The following LINGO2 variants were observed in gnomAD, a reference collection of about 807,000 sequenced individuals.
LINGO2 encodes the protein leucine rich repeat and Ig domain containing 2, also known as leucine-rich repeat and immunoglobulin-like domain-containing nogo receptor-interacting protein 2.
Under a neutral mutation model 30.6 loss-of-function variants are expected in LINGO2, and 14 were observed. That is an observed-to-expected ratio of 0.46 (90% CI 0.30 to 0.72). The LOEUF is 0.72. Among genes scored for constraint, LINGO2 ranks in the 30% least tolerant of loss-of-function variants. The pLI is 0.07. For synonymous variants in LINGO2, 317 were observed against 288.5 expected, an observed-to-expected ratio of 1.10 and a Z score of -1.00; for missense variants, 729 against 751.7, an observed-to-expected ratio of 0.97 and a Z score of 0.35.
chr9:28,771,328 A>G, the LINGO2 span, among the ~76,000 whole-genome samples: 1 of 152,086 alleles, frequency 6.6e-6, no homozygotes, highest in Non-Finnish European at 1.5e-5. Flanking sequence ...AGATCTTGCA[A>G]CATTGCTCTG....
At chr9:28,372,763 A>G (rs1029924407) in intron 3 of LINGO2, 73 bp downstream of exon 5, 2 of 152,588 alleles carry the variant, frequency 1.3e-5, no homozygotes, top group Non-Finnish European at 2.9e-5. Flanking sequence ...AAACTATAAC[A>G]TTAGTTTTTA....
the LINGO2 span, among the ~76,000 whole-genome samples, chr9:29,151,922 T>C: frequency 1.3e-5 from 2 of 152,066 alleles, no homozygotes; most frequent in Non-Finnish European, 2.9e-5. Flanking sequence ...GTCCCAAGAT[T>C]AAACGAGGAA....
At chr9:28,434,831 G>T (rs1283148402) in intron 2 of LINGO2, among the ~76,000 whole-genome samples, 1 of 151,842 alleles carries the variant, frequency 6.6e-6, no homozygotes, top group South Asian at 2.1e-4. Context: ...GTTTTTAAAA[G>T]GTTTATTGAC....
chr9:28,049,646 T>A (rs775477364), intron 4 of LINGO2, among the ~76,000 whole-genome samples: 4 of 150,766 alleles, frequency 2.7e-5, no homozygotes, highest in Non-Finnish European at 5.9e-5. Flanking sequence ...ATTCCATTTA[T>A]GTCACAAATT....
chr9:28,386,851 T>C (rs546361944), intron 2 of LINGO2, among the ~76,000 whole-genome samples: 5 of 152,328 alleles, frequency 3.3e-5, no homozygotes, highest in East Asian at 3.8e-4. Context: ...ATATTTTATA[T>C]GGGAATAAGA....
At chr9:28,632,493 A>G (rs1173907479) in intron 1 of LINGO2, among the ~76,000 whole-genome samples, 1 of 150,734 alleles carries the variant, frequency 6.6e-6, no homozygotes, top group Non-Finnish European at 1.5e-5. Flanking sequence ...GGGTTCTCTT[A>G]GAGAGACAGA....
the LINGO2 span, among the ~76,000 whole-genome samples, chr9:29,073,357 G>GA: frequency 1.3e-5 from 2 of 151,912 alleles, no homozygotes; most frequent in East Asian, 1.9e-4. Context: ...AGTAATGGGG[G>GA]AAAAAAACAG....
chr9:28,713,732 G>A, the LINGO2 span, among the ~76,000 whole-genome samples: 1 of 152,104 alleles, frequency 6.6e-6, no homozygotes, highest in African/African-American at 2.4e-5. Flanking sequence ...ACAGTAAGAA[G>A]CAGTGGCTAC....
chr9:28,506,435 CACACACACACACACACACACATACACAT>C (rs1391347088), intron 1 of LINGO2, among the ~76,000 whole-genome samples: 59 of 101,352 alleles, frequency 5.8e-4, no homozygotes, highest in African/African-American at 1.8e-3. Flanking sequence ...CACACACACA[CACACACACACACACACACACATACACAT>C]ACACACACAC....
At chr9:28,695,969 A>T in the LINGO2 span, among the ~76,000 whole-genome samples, 1 of 151,934 alleles carries the variant, frequency 6.6e-6, no homozygotes, top group Non-Finnish European at 1.5e-5. Flanking sequence ...TATGCTATGC[A>T]TATTGTGATT....
intron 4 of LINGO2, among the ~76,000 whole-genome samples, chr9:28,269,471 G>A (rs77737697): frequency 0.027 from 4,173 of 152,034 alleles, 173 homozygotes; most frequent in African/African-American, 0.095. Context: ...CATTATAAAC[G>A]ATAACACAAA....
chr9:29,144,074 G>A, the LINGO2 span, among the ~76,000 whole-genome samples: 2 of 152,192 alleles, frequency 1.3e-5, no homozygotes, highest in East Asian at 3.9e-4. Flanking sequence ...ATAGCAGATG[G>A]TTGTAGGTGT....
chr9:28,230,432 C>G (rs10125621), intron 4 of LINGO2, among the ~76,000 whole-genome samples: 33,766 of 151,614 alleles, frequency 0.22, 3,963 homozygotes, highest in African/African-American at 0.29. Flanking sequence ...GTCTAATACC[C>G]TACTTGGCTT....
chr9:29,128,953 T>C, the LINGO2 span, among the ~76,000 whole-genome samples: 1 of 152,298 alleles, frequency 6.6e-6, no homozygotes, highest in South Asian at 2.1e-4. Context: ...AAGCTGGCTA[T>C]AAAATTATTG....
At chr9:28,294,147 G>C (rs1173044005) in intron 4 of LINGO2, among the ~76,000 whole-genome samples, 2 of 152,158 alleles carry the variant, frequency 1.3e-5, no homozygotes, top group African/African-American at 4.8e-5. Context: ...GGAATTGAAA[G>C]TTAATGTTTA....
At chr9:28,599,977 C>T (rs1417557625) in intron 1 of LINGO2, among the ~76,000 whole-genome samples, 1 of 152,054 alleles carries the variant, frequency 6.6e-6, no homozygotes, top group Non-Finnish European at 1.5e-5. Context: ...CAACACTGTA[C>T]TCATTTATTT....
chr9:29,130,018 C>A, the LINGO2 span, among the ~76,000 whole-genome samples: 1 of 151,856 alleles, frequency 6.6e-6, no homozygotes, highest in South Asian at 2.1e-4. Context: ...GAATTCTTAC[C>A]CAAGTTTAGA....
chr9:28,479,908 TA>T (rs1564228252), intron 1 of LINGO2, among the ~76,000 whole-genome samples: 126 of 69,392 alleles, frequency 1.8e-3, no homozygotes, highest in Admixed American at 4.9e-3. Flanking sequence ...TATATATACG[TA>T]GGTATATATA....
At chr9:28,783,680 A>G in the LINGO2 span, among the ~76,000 whole-genome samples, 3 of 152,354 alleles carry the variant, frequency 2.0e-5, no homozygotes, top group East Asian at 5.8e-4. Flanking sequence ...GGAATTTCAC[A>G]AGACAAAAGA....
Sources: gnomAD v4.1 joint callset for allele counts (sites outside exome capture counted in the v4.1 genomes callset) on GRCh38, gnomAD v4.1.1 for gene constraint, MANE v1.5 for transcripts, NCBI Gene and HGNC (gene_info 2026-07-23, HGNC 2026-07-21) for gene names.